DCTD: variants seen among roughly 807,000 people sequenced by gnomAD.
DCTD encodes deoxycytidylate deaminase.
DCTD carries 23 observed loss-of-function variants against 21.0 expected under a neutral mutation model. The ratio of observed to expected loss-of-function variants is 1.09; its 90% CI spans 0.79 to 1.55. DCTD has a LOEUF of 1.55. Among genes scored for constraint, DCTD ranks in the 40% most tolerant of loss-of-function variants. DCTD has a pLI of 0.00. For missense variants in DCTD, 224 were observed against 230.0 expected, an observed-to-expected ratio of 0.97 and a Z score of 0.17; for synonymous variants, 71 against 81.1, an observed-to-expected ratio of 0.88 and a Z score of 0.67.
In DCTD at chr4:182,893,013, C is replaced by T. The variant is rs3895619; in HGVS notation, c.458+18G>A. On this transcript the variant is annotated intron_variant, in intron 5 of 5. Transcript: ENST00000438320. Reference sequence around the variant, plus strand: ...CTTCACCCTACCCCGTCCCCCCGCCCGCATTCTCCCCACTTACCGGAATGT... The same window carrying T: ...CTTCACCCTACCCCGTCCCCCCGCCTGCATTCTCCCCACTTACCGGAATGT... 85,275 of 1,546,890 alleles carry T rather than the reference C, an allele frequency of 0.055. 2,789 individuals are homozygous for T. The highest frequency in any genetic ancestry group is 0.088 in the South Asian group (7,810 of 89,044).
At chr4:182,897,202 G>C (rs1272687844) in intron 3 of DCTD, among the ~76,000 whole-genome samples, 1 of 152,042 alleles carries the variant, frequency 6.6e-6, no homozygotes, top group African/African-American at 2.4e-5. Flanking sequence ...TACAGAGGGC[G>C]ATTTATAGAA....
At chr4:182,914,857 ACTTTCT>A in intron 3 of DCTD, 60 bp downstream of exon 3, 1 of 1,591,064 alleles carries the variant, frequency 6.3e-7, no homozygotes, top group Admixed American at 1.7e-5. Context: ...CTTCTGACCA[ACTTTCT>A]TAATTAGGCA....
intron 3 of DCTD, among the ~76,000 whole-genome samples, chr4:182,898,818 TA>T (rs1484314399): frequency 6.6e-6 from 1 of 152,240 alleles, no homozygotes; most frequent in Non-Finnish European, 1.5e-5. Context: ...TCTGACTTTG[TA>T]AGGCATACAT....
intron 2 of DCTD, 28 bp downstream of exon 2, chr4:182,915,433 T>C: frequency 7.1e-7 from 1 of 1,407,032 alleles, no homozygotes; most frequent in Non-Finnish European, 1.0e-6. Context: ...TGTGAGTATC[T>C]AAGCATTCTC....
intron 3 of DCTD, among the ~76,000 whole-genome samples, chr4:182,906,984 T>A (rs1017470995): frequency 6.6e-6 from 1 of 152,232 alleles, no homozygotes; most frequent in Non-Finnish European, 1.5e-5. Flanking sequence ...AGCAAGTATC[T>A]CTGTTTGAAT....
intron 5 of DCTD, among the ~76,000 whole-genome samples, chr4:182,892,661 C>T (rs935007083): frequency 1.3e-5 from 2 of 152,082 alleles, no homozygotes; most frequent in Non-Finnish European, 2.9e-5. Flanking sequence ...ATGTTTCAAT[C>T]TGGCAGGCTA....
intron 1 of DCTD, chr4:182,915,803 C>A: frequency 2.8e-6 from 3 of 1,053,986 alleles, no homozygotes; most frequent in South Asian, 4.4e-5. Context: ...TATAGCTTCA[C>A]GTTCCCAAAT....
chr4:182,899,348 G>A (rs1579693462), intron 3 of DCTD, among the ~76,000 whole-genome samples: 1 of 151,628 alleles, frequency 6.6e-6, no homozygotes, highest in African/African-American at 2.4e-5. Flanking sequence ...CACTTCCCAA[G>A]GTAAAATATT....
chr4:182,900,999 C>T (rs1344916382), intron 3 of DCTD, among the ~76,000 whole-genome samples: 1 of 151,990 alleles, frequency 6.6e-6, no homozygotes, highest in Admixed American at 6.6e-5. Flanking sequence ...TCCTTACTGT[C>T]TCATGTAGGC....
At chr4:182,912,344 A>G (rs1170419360) in intron 3 of DCTD, among the ~76,000 whole-genome samples, 2 of 151,150 alleles carry the variant, frequency 1.3e-5, no homozygotes. Context: ...GTAATACTAA[A>G]TGCCTTTTAG....
intron 3 of DCTD, among the ~76,000 whole-genome samples, chr4:182,898,733 C>A (rs1389770255): frequency 6.6e-6 from 1 of 152,128 alleles, no homozygotes; most frequent in African/African-American, 2.4e-5. Context: ...TTTTAGGATT[C>A]TTTTTTTCCT....
At chr4:182,893,418 C>T (rs1462918874) in intron 4 of DCTD, among the ~76,000 whole-genome samples, 4 of 152,204 alleles carry the variant, frequency 2.6e-5, no homozygotes, top group African/African-American at 9.7e-5. Flanking sequence ...TCCCTTACTA[C>T]AGGTAATCAA....
At chr4:182,909,699 C>T (rs1737338656) in intron 3 of DCTD, among the ~76,000 whole-genome samples, 1 of 152,238 alleles carries the variant, frequency 6.6e-6, no homozygotes, top group Non-Finnish European at 1.5e-5. Context: ...AGCCTCCTAA[C>T]TTCTTGATAA....
At chr4:182,916,797 TG>T (rs1738822383) in intron 1 of DCTD, 1 of 1,120,664 alleles carries the variant, frequency 8.9e-7, no homozygotes, top group Non-Finnish European at 1.1e-6. Flanking sequence ...GTTAATCCCC[TG>T]GGCGCCTTCT....
intron 3 of DCTD, among the ~76,000 whole-genome samples, chr4:182,901,468 A>T (rs976466350): frequency 3.9e-5 from 6 of 152,202 alleles, no homozygotes; most frequent in African/African-American, 1.2e-4. Flanking sequence ...TGACCTGAAC[A>T]GGTGGCAGCC....
intron 1 of DCTD, chr4:182,916,612 G>A (rs1738778388): frequency 2.0e-6 from 2 of 996,410 alleles, no homozygotes; most frequent in African/African-American, 3.5e-5. Context: ...CCCCACATCT[G>A]AGAGGCCTGG....
At position 182,915,474 on chromosome 4, in the gene DCTD, T is replaced by A; in HGVS notation, c.95A>T (p.Asp32Val). ...AAATTCATTTACCTGGGAATTTGGA[T>A]CTTTGCTTCTCTGTGCTGATAAGAA... ...VAFLSAQRSK[D>V]PNSQVGACIV... The change falls in exon 2 of 6, where the codon GAT (aspartate) becomes GTT (valine). Residue 32 changes from aspartate to valine, a missense_variant. Transcript: ENST00000438320. 1 of 1,605,690 alleles carries A rather than the reference T, an allele frequency of 6.2e-7. No homozygotes were observed. Among genetic ancestry groups the A allele is most frequent in the East Asian group, 2.2e-5 (1 of 44,854 alleles).
intron 3 of DCTD, among the ~76,000 whole-genome samples, chr4:182,899,602 T>C (rs974818391): frequency 2.0e-5 from 3 of 152,144 alleles, no homozygotes; most frequent in Non-Finnish European, 4.4e-5. Flanking sequence ...GGTTTCGCTA[T>C]GTTGGCCAGG....
chr4:182,917,294 G>C lies in DCTD; in HGVS notation c.-8+17C>G, dbSNP rs1738911687. On this transcript the variant is annotated intron_variant, in intron 1 of 5. Transcript: ENST00000438320. This position sits in a 1 kb window ranked among gnomAD's most constrained non-coding sequence, Gnocchi z 4.9. ...GGGCGCGCGGGCCGCGTACCCGCACGGCTGGCCCCCGCCCACCATCCGGTG... is the reference window on the plus strand; with the variant it reads ...GGGCGCGCGGGCCGCGTACCCGCACCGCTGGCCCCCGCCCACCATCCGGTG... The C allele has an allele frequency of 9.4e-7, 1 of 1,064,604 alleles. No individual in the cohort carries two copies. The highest frequency in any genetic ancestry group is 5.4e-5 in the Admixed American group (1 of 18,372). The allele number at this position is 1,064,604 out of a possible 1,614,324, so 65.9% of individuals were successfully genotyped here. A position where few individuals can be genotyped will look rare whatever the true frequency, so the allele number is the denominator to read the frequency against.
Sources: gnomAD v4.1 joint callset for allele counts (sites outside exome capture counted in the v4.1 genomes callset) on GRCh38, gnomAD v4.1.1 for gene constraint, Gnocchi (gnomAD v3.1) non-coding constraint, MANE v1.5 for transcripts, NCBI Gene and HGNC (gene_info 2026-07-23, HGNC 2026-07-21) for gene names.